The following COPZ1 variants were observed in gnomAD, a reference collection of about 807,000 sequenced individuals.
COPZ1 encodes coat protein complex I subunit zeta 1.
In COPZ1, 4 loss-of-function variants were observed where a neutral mutation model predicts 31.7. The ratio of observed to expected loss-of-function variants is 0.13; its 90% CI spans 0.06 to 0.29. The LOEUF is 0.29. Among genes scored for constraint, COPZ1 ranks in the 10% least tolerant of loss-of-function variants. COPZ1 has a pLI of 1.00. For missense variants in COPZ1, 156 were observed against 211.5 expected, an observed-to-expected ratio of 0.74 and a Z score of 1.63; for synonymous variants, 74 against 79.0, an observed-to-expected ratio of 0.94 and a Z score of 0.33.
intron 1 of COPZ1, among the ~76,000 whole-genome samples, chr12:54,328,092 G>C (rs1425201511): frequency 1.3e-5 from 2 of 151,568 alleles, no homozygotes; most frequent in African/African-American, 4.9e-5. Flanking sequence ...GGCCAACATG[G>C]TGAAACCATG....
chr12:54,325,287 G>A, intron 1 of COPZ1, 106 bp downstream of exon 1: 1 of 1,390,566 alleles, frequency 7.2e-7, no homozygotes, highest in Non-Finnish European at 9.7e-7. Flanking sequence ...GTAATTCTTG[G>A]GGACTGAGCG....
In COPZ1 at chr12:54,340,516, C is replaced by T. The variant is rs1406958186; in HGVS notation, c.19-31C>T. ...GTTTACCAGTGGTGATGGGAGGCTT[C>T]AGGACTGAAGGTATGTTCGTATCTC... On this transcript the variant is annotated intron_variant, in intron 1 of 8. Coordinates refer to ENST00000262061, the MANE Select transcript of COPZ1 (RefSeq NM_016057.3). 1.9e-6 allele frequency: 3 copies of T among 1,613,288 alleles called. No homozygotes were observed. In the African/African-American group the frequency reaches 4.0e-5, roughly 22 times the overall value.
chr12:54,325,438 C>T, intron 1 of COPZ1: 1 of 505,542 alleles, frequency 2.0e-6, no homozygotes, highest in Non-Finnish European at 3.5e-6. Flanking sequence ...ATACACAGAC[C>T]TGTAGGCGTA....
intron 1 of COPZ1, among the ~76,000 whole-genome samples, chr12:54,330,323 G>A (rs1034124415): frequency 1.3e-5 from 2 of 152,064 alleles, no homozygotes; most frequent in Admixed American, 1.3e-4. Flanking sequence ...TGTTACTCTG[G>A]CCAGCTTGTT....
chr12:54,349,566 C>T, intron 7 of COPZ1, 54 bp from the exon 8 acceptor site: 1 of 1,416,412 alleles, frequency 7.1e-7, no homozygotes, highest in Non-Finnish European at 1.0e-6. Flanking sequence ...AGACTCCAAT[C>T]AGGTCTTACT....
intron 7 of COPZ1, among the ~76,000 whole-genome samples, chr12:54,348,990 T>C (rs1416145893): frequency 6.6e-6 from 1 of 152,162 alleles, no homozygotes; most frequent in African/African-American, 2.4e-5. Context: ...ATTCACAGAA[T>C]GTCCTGGCTC....
chr12:54,337,366 T>C, intron 1 of COPZ1: 3 of 525,192 alleles, frequency 5.7e-6, no homozygotes, highest in Non-Finnish European at 1.2e-5. Flanking sequence ...TTAAATTCTT[T>C]CAGTGTGGCC....
chr12:54,327,634 C>T (rs1953678101), intron 1 of COPZ1, among the ~76,000 whole-genome samples: 1 of 152,144 alleles, frequency 6.6e-6, no homozygotes, highest in Non-Finnish European at 1.5e-5. Flanking sequence ...TGCAGTGGCT[C>T]ATGCCTGTAA....
chr12:54,349,770 T>G, intron 8 of COPZ1, 112 bp downstream of exon 8: 2 of 912,090 alleles, frequency 2.2e-6, no homozygotes, highest in South Asian at 2.6e-5. Context: ...AAGACACATC[T>G]TCCTTGGCTC....
chr12:54,337,996 C>T (rs1953904159), intron 1 of COPZ1, among the ~76,000 whole-genome samples: 1 of 152,192 alleles, frequency 6.6e-6, no homozygotes, highest in Admixed American at 6.5e-5. Context: ...GGCACTCACA[C>T]CCTGTTGGCC....
rs577237932 is a variant in COPZ1 at position 54,344,200 on chromosome 12, C to T, written c.261+884C>T. Among the ~76,000 whole-genome samples, 11 of 152,320 alleles carry T rather than the reference C, an allele frequency of 7.2e-5. No homozygotes were observed. The East Asian group carries it at 2.1e-3, about 29-fold the overall frequency. ...ACGTGGTGGCTCACACCTGTAATCCCAGCACTTTGGGAGGCCAAGGTGGGC... is the reference window on the plus strand; with the variant it reads ...ACGTGGTGGCTCACACCTGTAATCCTAGCACTTTGGGAGGCCAAGGTGGGC... On this transcript the variant is annotated intron_variant, in intron 4 of 8. Transcript: ENST00000262061.
rs372702714 is a variant in COPZ1 at position 54,326,269 on chromosome 12, G to A, written c.18+1088G>A. 2.6e-3 allele frequency among the ~76,000 whole-genome samples: 383 copies of A among 146,748 alleles called. 3 individuals carry two copies. The highest frequency in any genetic ancestry group is 9.4e-3 in the African/African-American group (374 of 39,618). ...ATTCTTCTGCCTCAGCCTCCGGAGT[G>A]GCTGGGACTACAGGCGCTCGCCACC... is the stretch of plus-strand genomic sequence containing the variant. On this transcript the variant is annotated intron_variant, in intron 1 of 8. Coordinates refer to ENST00000262061, the MANE Select transcript of COPZ1 (RefSeq NM_016057.3).
At chr12:54,332,598 G>A (rs1953776508) in intron 1 of COPZ1, among the ~76,000 whole-genome samples, 1 of 152,180 alleles carries the variant, frequency 6.6e-6, no homozygotes, top group East Asian at 1.9e-4. Flanking sequence ...GCCAGGTGTG[G>A]TGGTGGGTGC....
intron 5 of COPZ1, among the ~76,000 whole-genome samples, chr12:54,346,315 T>G (rs908458873): frequency 6.6e-6 from 1 of 150,658 alleles, no homozygotes; most frequent in Admixed American, 6.6e-5. Context: ...TCACCCAGGC[T>G]GGAGTGCAGT....
chr12:54,335,855 G>A (rs967872374), intron 1 of COPZ1, among the ~76,000 whole-genome samples: 1 of 151,564 alleles, frequency 6.6e-6, no homozygotes, highest in Non-Finnish European at 1.5e-5. Context: ...TTTTTTTTAA[G>A]TTCTTGCAGA....
intron 4 of COPZ1, among the ~76,000 whole-genome samples, chr12:54,344,223 G>T (rs1349668718): frequency 2.0e-5 from 3 of 152,088 alleles, no homozygotes; most frequent in African/African-American, 2.4e-5. Context: ...GGCCAAGGTG[G>T]GCGGATCACT....
At chr12:54,336,056 C>T (rs1424131995) in intron 1 of COPZ1, among the ~76,000 whole-genome samples, 2 of 152,110 alleles carry the variant, frequency 1.3e-5, no homozygotes, top group Non-Finnish European at 2.9e-5. Flanking sequence ...TTGGTTTTTT[C>T]CCCTAAATGA....
chr12:54,326,451 T>C lies in COPZ1; in HGVS notation c.18+1270T>C, dbSNP rs138433935. ...CACTGCGCCGGGCCAGGAATTCTTA[T>C]TGTATGATCTAGGATGCTAATTTCT... On this transcript the variant is annotated intron_variant, in intron 1 of 8. Transcript: ENST00000262061. Among the ~76,000 whole-genome samples, 826 of 147,512 alleles carry C rather than the reference T, an allele frequency of 5.6e-3. 29 individuals carry two copies. The highest frequency in any genetic ancestry group is 0.052 in the Admixed American group (741 of 14,140).
intron 5 of COPZ1, chr12:54,346,522 CT>C (rs1954066289): frequency 3.1e-6 from 2 of 654,130 alleles, no homozygotes; most frequent in South Asian, 3.1e-5. Context: ...ATCCACCTAC[CT>C]TGGCCTCCCA....
Sources: gnomAD v4.1 joint callset for allele counts (sites outside exome capture counted in the v4.1 genomes callset) on GRCh38, gnomAD v4.1.1 for gene constraint, MANE v1.5 for transcripts, NCBI Gene and HGNC (gene_info 2026-07-23, HGNC 2026-07-21) for gene names.